The following RABGAP1L variants were observed in gnomAD, a reference collection of about 807,000 sequenced individuals.
RABGAP1L encodes the protein RAB GTPase activating protein 1 like, also known as rab GTPase-activating protein 1-like.
A neutral mutation model predicts 137.7 loss-of-function variants in RABGAP1L; 63 were observed. The ratio of observed to expected loss-of-function variants is 0.46; its 90% CI spans 0.37 to 0.56. RABGAP1L has a LOEUF of 0.56. Among genes scored for constraint, RABGAP1L ranks in the 20% least tolerant of loss-of-function variants. The pLI is 0.00. For synonymous variants in RABGAP1L, 431 were observed against 433.7 expected (o/e 0.99, Z 0.08); for missense variants, 1,095 against 1,244.0 (o/e 0.88, Z 1.80).
At chr1:174,821,690 G>A (rs970236328) in intron 19 of RABGAP1L, among the ~76,000 whole-genome samples, 6 of 152,176 alleles carry the variant, frequency 3.9e-5, no homozygotes, top group African/African-American at 1.4e-4. Flanking sequence ...CCTGGCTGTT[G>A]TTGCTGTACG....
chr1:174,489,621 C>T (rs552574377), intron 13 of RABGAP1L, among the ~76,000 whole-genome samples: 2 of 152,146 alleles, frequency 1.3e-5, no homozygotes, highest in Admixed American at 6.5e-5. Context: ...GACAGTGTGG[C>T]GATTCCTCAA....
chr1:174,690,039 T>C (rs1678764450), intron 15 of RABGAP1L, among the ~76,000 whole-genome samples: 1 of 152,204 alleles, frequency 6.6e-6, no homozygotes, highest in East Asian at 1.9e-4. Context: ...ATGAAGTGCT[T>C]TTGAGCCATT....
intron 19 of RABGAP1L, among the ~76,000 whole-genome samples, chr1:174,936,927 G>A (rs900130741): frequency 6.6e-6 from 1 of 150,452 alleles, no homozygotes; most frequent in Non-Finnish European, 1.5e-5. Context: ...ATACATCAAG[G>A]TCTGTAGTGA....
chr1:174,953,914 A>G (rs537273537), intron 19 of RABGAP1L, among the ~76,000 whole-genome samples: 3 of 152,222 alleles, frequency 2.0e-5, no homozygotes, highest in Non-Finnish European at 4.4e-5. Context: ...AAGGCAGTGT[A>G]GGGGAATTTA....
rs1167049316 is a variant in RABGAP1L, at chr1:174,811,872, C to T, written c.2252C>T (p.Ala751Val). The change falls in exon 19 of 26, where the codon GCT (alanine) becomes GTT (valine). Residue 751 changes from alanine to valine, a missense_variant. Around this residue, in one of 4 missense-constraint regions of RABGAP1L, gnomAD observed 312 missense variants for 435.6 expected, o/e 0.72. Transcript: ENST00000681986. ...EDLLQADFEG[A>V]LKFFRVQLPK... ...CTTCTGCAGGCTGATTTTGAAGGTGCTTTAAAGTTCTTTAGAGTTCAGCTT... is the reference window on the plus strand; with the variant it reads ...CTTCTGCAGGCTGATTTTGAAGGTGTTTTAAAGTTCTTTAGAGTTCAGCTT... The T allele has an allele frequency of 6.2e-7, 1 of 1,605,780 alleles. No individual in the cohort carries two copies. The highest frequency in any genetic ancestry group is 8.5e-7 in the Non-Finnish European group (1 of 1,175,934).
chr1:174,231,620 G>A (rs1670660637), intron 4 of RABGAP1L, among the ~76,000 whole-genome samples: 3 of 152,162 alleles, frequency 2.0e-5, no homozygotes, highest in Admixed American at 2.0e-4. Flanking sequence ...GGTTCTGCAG[G>A]GTGTATAGGA....
intron 14 of RABGAP1L, among the ~76,000 whole-genome samples, chr1:174,645,742 G>A (rs908769946): frequency 6.6e-6 from 1 of 152,050 alleles, no homozygotes; most frequent in Non-Finnish European, 1.5e-5. Flanking sequence ...CCAGTAATGG[G>A]GTGGCTGGGT....
intron 13 of RABGAP1L, among the ~76,000 whole-genome samples, chr1:174,589,311 T>C (rs1669369307): frequency 2.0e-5 from 3 of 152,224 alleles, no homozygotes; most frequent in Admixed American, 2.0e-4. Context: ...AGATTTTTTT[T>C]CTATTGAGTT....
chr1:174,526,380 C>T (rs1045328940), intron 13 of RABGAP1L, among the ~76,000 whole-genome samples: 12 of 152,084 alleles, frequency 7.9e-5, no homozygotes, highest in African/African-American at 2.4e-4. Flanking sequence ...AAAATTTGCT[C>T]CTCTTCAATT....
At chr1:174,631,485 C>G (rs1673375251) in intron 13 of RABGAP1L, among the ~76,000 whole-genome samples, 1 of 84,014 alleles carries the variant, frequency 1.2e-5, no homozygotes, top group African/African-American at 8.6e-5. Flanking sequence ...CTAATGTTGA[C>G]AGTGGGGTGT....
At chr1:174,450,335 C>T (rs1052301300) in intron 13 of RABGAP1L, among the ~76,000 whole-genome samples, 1 of 152,140 alleles carries the variant, frequency 6.6e-6, no homozygotes, top group Non-Finnish European at 1.5e-5. Context: ...TGCGTTTGCA[C>T]ATACTATGTT....
intron 13 of RABGAP1L, among the ~76,000 whole-genome samples, chr1:174,435,777 G>T (rs997342421): frequency 4.0e-5 from 6 of 150,998 alleles, no homozygotes; most frequent in Non-Finnish European, 7.4e-5. Context: ...TTAGCATTAG[G>T]TACATCTCCT....
At chr1:174,944,809 A>G (rs1290356698) in intron 19 of RABGAP1L, among the ~76,000 whole-genome samples, 2 of 152,188 alleles carry the variant, frequency 1.3e-5, no homozygotes, top group African/African-American at 4.8e-5. Context: ...CTGGTATAGT[A>G]AAGTTGAATC....
intron 17 of RABGAP1L, among the ~76,000 whole-genome samples, chr1:174,735,784 C>G (rs556865421): frequency 1.5e-4 from 23 of 152,130 alleles, no homozygotes; most frequent in African/African-American, 5.1e-4. Context: ...TGAAGAGGAG[C>G]AGCATATTAT....
chr1:174,605,618 CAA>C (rs1383280918), intron 13 of RABGAP1L, among the ~76,000 whole-genome samples: 2 of 152,094 alleles, frequency 1.3e-5, no homozygotes, highest in Non-Finnish European at 2.9e-5. Context: ...GATCTGGTCA[CAA>C]AAGTTTTGGC....
intron 19 of RABGAP1L, chr1:174,897,401 A>C (rs948455226): frequency 3.3e-5 from 5 of 152,192 alleles, no homozygotes; most frequent in Non-Finnish European, 5.9e-5. Context: ...AAACGTGTGA[A>C]AATCGTATGA....
intron 15 of RABGAP1L, among the ~76,000 whole-genome samples, chr1:174,686,492 C>A (rs969758952): frequency 1.3e-5 from 2 of 151,954 alleles, no homozygotes; most frequent in African/African-American, 4.8e-5. Context: ...ATAGTCAGGT[C>A]CCTTCCCTAA....
At chr1:174,903,045 AT>A (rs1479085242) in intron 19 of RABGAP1L, among the ~76,000 whole-genome samples, 4 of 152,230 alleles carry the variant, frequency 2.6e-5, no homozygotes, top group Non-Finnish European at 5.9e-5. Flanking sequence ...TGGGATTTAT[AT>A]TTCAAATTCA....
In RABGAP1L at chr1:174,993,805, T is replaced by A. The variant is rs1051742783; in HGVS notation, c.*3804T>A. ...TACTTGATTAGCAAGATGATTATATTATATAACTTGCCCTTAAAAACACTC... is the reference window on the plus strand; with the variant it reads ...TACTTGATTAGCAAGATGATTATATAATATAACTTGCCCTTAAAAACACTC... On this transcript the variant is annotated 3_prime_UTR_variant, in exon 26 of 26. Coordinates refer to ENST00000681986, the MANE Select transcript of RABGAP1L (RefSeq NM_001366446.1). The A allele has an allele frequency of 5.3e-5, 8 of 152,244 alleles. No individual in the cohort carries two copies. The highest frequency in any genetic ancestry group is 1.3e-4 in the Admixed American group (2 of 15,286). 9.4% of individuals were successfully genotyped at this position (152,244 alleles called of 1,614,324 possible).
Sources: allele counts gnomAD v4.1 joint callset (sites outside exome capture counted in the v4.1 genomes callset), GRCh38; gene constraint gnomAD v4.1.1; regional missense constraint gnomAD v4.1.1; transcripts MANE v1.5; gene names NCBI Gene and HGNC (gene_info 2026-07-23, HGNC 2026-07-21).